UTRN: variants seen among roughly 807,000 people sequenced by gnomAD.
UTRN encodes utrophin.
In UTRN, 283 loss-of-function variants were observed where a neutral mutation model predicts 463.9. That is an observed-to-expected ratio of 0.61 (90% CI 0.55 to 0.67). UTRN has a LOEUF of 0.67. Among genes scored for constraint, UTRN ranks in the 30% least tolerant of loss-of-function variants. The probability of loss-of-function intolerance (pLI) is 0.00; values close to 1 mark genes in which losing one functional copy is unlikely to be tolerated. For synonymous variants in UTRN, 1,442 were observed against 1,431.5 expected, an observed-to-expected ratio of 1.01 and a Z score of -0.17; for missense variants, 3,922 against 4,084.3, an observed-to-expected ratio of 0.96 and a Z score of 1.08.
chr6:144,504,848 T>C (rs559453674), intron 34 of UTRN, among the ~76,000 whole-genome samples: 22 of 152,360 alleles, frequency 1.4e-4, no homozygotes, highest in African/African-American at 5.3e-4. Context: ...CAGCTCCTCT[T>C]AGTATCTCTG....
At chr6:144,701,521 T>C (rs1425066324) in intron 53 of UTRN, among the ~76,000 whole-genome samples, 3 of 152,218 alleles carry the variant, frequency 2.0e-5, no homozygotes, top group Non-Finnish European at 4.4e-5. Flanking sequence ...CCTTAGATCC[T>C]TGTGTGATTA....
At chr6:144,600,642 A>G (rs1804149131) in intron 51 of UTRN, among the ~76,000 whole-genome samples, 1 of 152,248 alleles carries the variant, frequency 6.6e-6, no homozygotes, top group Non-Finnish European at 1.5e-5. Context: ...AACAGAAACC[A>G]TCTTCATAAC....
At chr6:144,653,016 T>C (rs1778976523) in intron 51 of UTRN, among the ~76,000 whole-genome samples, 1 of 151,296 alleles carries the variant, frequency 6.6e-6, no homozygotes, top group Non-Finnish European at 1.5e-5. Flanking sequence ...TATCTAATGA[T>C]TTAATTTTGT....
chr6:144,393,035 C>A (rs200522150), intron 2 of UTRN, among the ~76,000 whole-genome samples: 1 of 133,360 alleles, frequency 7.5e-6, no homozygotes, highest in Non-Finnish European at 1.5e-5. Flanking sequence ...ATCCATCCAT[C>A]CATCCATCCA....
chr6:144,436,621 T>C (rs1315339633), intron 10 of UTRN, among the ~76,000 whole-genome samples: 1 of 151,738 alleles, frequency 6.6e-6, no homozygotes, highest in Non-Finnish European at 1.5e-5. Context: ...TATATGGAGA[T>C]TTCTTTTGGT....
At chr6:144,849,839 A>G (rs1457209015) in intron 74 of UTRN, among the ~76,000 whole-genome samples, 3 of 152,198 alleles carry the variant, frequency 2.0e-5, no homozygotes, top group South Asian at 2.1e-4. Flanking sequence ...TATATTTAAC[A>G]TGAATCAGCG....
intron 23 of UTRN, among the ~76,000 whole-genome samples, chr6:144,465,763 G>A (rs1270799407): frequency 6.6e-6 from 1 of 151,894 alleles, no homozygotes; most frequent in Non-Finnish European, 1.5e-5. Flanking sequence ...GATTATCATT[G>A]TTTTCCCTTT....
intron 52 of UTRN, among the ~76,000 whole-genome samples, chr6:144,690,095 T>TTTTTTTTGTG (rs59704043): frequency 9.0e-5 from 3 of 33,442 alleles, no homozygotes; most frequent in East Asian, 3.1e-3. Context: ...TTTTTTTTTT[T>TTTTTTTTGTG]TGTGTGTGTG....
At chr6:144,781,203 G>A (rs764465478) in intron 60 of UTRN, among the ~76,000 whole-genome samples, 15 of 152,164 alleles carry the variant, frequency 9.9e-5, no homozygotes, top group Non-Finnish European at 1.9e-4. Flanking sequence ...TGTGGGGGCT[G>A]TCTAGTACTT....
chr6:144,607,767 G>T (rs1433304891), intron 51 of UTRN, among the ~76,000 whole-genome samples: 1 of 152,126 alleles, frequency 6.6e-6, no homozygotes, highest in Non-Finnish European at 1.5e-5. Context: ...AGACTGTTGT[G>T]CCCATGAATC....
At chr6:144,315,607 A>G (rs920715825) in intron 2 of UTRN, among the ~76,000 whole-genome samples, 1 of 152,220 alleles carries the variant, frequency 6.6e-6, no homozygotes, top group Non-Finnish European at 1.5e-5. Flanking sequence ...GCAATTAGAT[A>G]ACGGCGCCCA....
chr6:144,553,059 A>G (rs1799064319), intron 48 of UTRN, among the ~76,000 whole-genome samples: 1 of 152,118 alleles, frequency 6.6e-6, no homozygotes, highest in Non-Finnish European at 1.5e-5. Flanking sequence ...GTTTTTTGAG[A>G]TGGAGTTTCA....
intron 2 of UTRN, among the ~76,000 whole-genome samples, chr6:144,376,539 G>T (rs528959991): frequency 9.9e-5 from 15 of 151,802 alleles, no homozygotes; most frequent in African/African-American, 3.6e-4. Flanking sequence ...CAAGCAATCC[G>T]CCCTCCTCGG....
At chr6:144,797,191 T>A (rs1319148362) in intron 63 of UTRN, among the ~76,000 whole-genome samples, 2 of 62,098 alleles carry the variant, frequency 3.2e-5, no homozygotes, top group African/African-American at 7.6e-5. Flanking sequence ...TAGATGAAAT[T>A]TTTTTTTTTT....
At chr6:144,582,246 C>T (rs77998699) in intron 51 of UTRN, among the ~76,000 whole-genome samples, 2,758 of 152,238 alleles carry the variant, frequency 0.018, 59 homozygotes, top group African/African-American at 0.051. Flanking sequence ...TTTAAAGAAT[C>T]ATGACAACAT....
chr6:144,767,056 G>A (rs527484242), intron 58 of UTRN, among the ~76,000 whole-genome samples: 13 of 152,200 alleles, frequency 8.5e-5, no homozygotes, highest in African/African-American at 2.9e-4. Context: ...TCAATGAAGC[G>A]TGAGATAAAG....
intron 54 of UTRN, among the ~76,000 whole-genome samples, chr6:144,745,308 AATTT>A (rs1252165805): frequency 1.3e-5 from 2 of 151,326 alleles, no homozygotes; most frequent in South Asian, 2.1e-4. Flanking sequence ...TAGATGTTTG[AATTT>A]ATTTATTATT....
chr6:144,786,139 A>G (rs1017667689), intron 61 of UTRN, among the ~76,000 whole-genome samples: 1 of 152,124 alleles, frequency 6.6e-6, no homozygotes, highest in African/African-American at 2.4e-5. Flanking sequence ...TCACTAATAT[A>G]TTTTACTGTC....
At chr6:144,390,952 TA>T (rs1035959468) in intron 2 of UTRN, among the ~76,000 whole-genome samples, 56 of 152,196 alleles carry the variant, frequency 3.7e-4, no homozygotes, top group African/African-American at 1.2e-3. Context: ...TATTTCTTTG[TA>T]CAGTGTTTTT....
Sources: allele counts gnomAD v4.1 joint callset (sites outside exome capture counted in the v4.1 genomes callset), GRCh38; gene constraint gnomAD v4.1.1; transcripts MANE v1.5; gene names NCBI Gene and HGNC (gene_info 2026-07-23, HGNC 2026-07-21).